POR: variants seen among roughly 807,000 people sequenced by gnomAD.
The protein encoded by POR is NADPH--cytochrome P450 reductase.
POR carries 56 observed loss-of-function variants against 84.0 expected under a neutral mutation model. That is an observed-to-expected ratio of 0.67 (90% confidence interval 0.54 to 0.83). The LOEUF (loss-of-function observed/expected upper bound fraction) is 0.83. Among genes scored for constraint, POR ranks in the 40% least tolerant of loss-of-function variants. The pLI, the probability that POR is intolerant of heterozygous loss-of-function variation, is 0.00. For synonymous variants in POR, 414 were observed against 400.5 expected (o/e 1.03, Z -0.40); for missense variants, 938 against 944.3 (o/e 0.99, Z 0.09).
intron 1 of POR, among the ~76,000 whole-genome samples, chr7:75,943,240 C>T (rs139772877): frequency 0.01 from 1,562 of 152,226 alleles, 34 homozygotes; most frequent in African/African-American, 0.036. Context: ...CATGAGCCAC[C>T]GTGCCCGGCC....
chr7:75,939,906 C>T (rs1807889011), intron 1 of POR, among the ~76,000 whole-genome samples: 1 of 150,508 alleles, frequency 6.6e-6, no homozygotes. Flanking sequence ...CCGCACCTGG[C>T]CCTCTTTACT....
intron 3 of POR, among the ~76,000 whole-genome samples, chr7:75,979,043 A>C (rs1360834256): frequency 1.3e-5 from 2 of 150,910 alleles, no homozygotes; most frequent in Non-Finnish European, 3.0e-5. Context: ...GTAATCTGCC[A>C]GCCTCAGCCT....
chr7:75,969,951 A>G (rs1788356790), intron 2 of POR, among the ~76,000 whole-genome samples: 1 of 152,216 alleles, frequency 6.6e-6, no homozygotes, highest in Non-Finnish European at 1.5e-5. Context: ...AGACGGCGAC[A>G]GTAGCGTTGC....
At chr7:75,924,848 T>C (rs1445666009) in intron 1 of POR, among the ~76,000 whole-genome samples, 2 of 152,230 alleles carry the variant, frequency 1.3e-5, no homozygotes, top group Non-Finnish European at 2.9e-5. Flanking sequence ...AACGTAGCAC[T>C]GTGAGCATGG....
At chr7:75,922,730 G>C in intron 1 of POR, 1 of 391,008 alleles carries the variant, frequency 2.6e-6, no homozygotes, top group Non-Finnish European at 4.8e-6. Flanking sequence ...GGTTGCGCAT[G>C]TTCAGTAGCT....
intron 8 of POR, 77 bp downstream of exon 8, chr7:75,982,399 C>A: frequency 8.4e-7 from 1 of 1,194,812 alleles, no homozygotes; most frequent in Non-Finnish European, 1.2e-6. Context: ...TGCCGTGTAT[C>A]CCCATATCCC....
chr7:75,980,930 C>G, intron 5 of POR, 118 bp from the exon 6 acceptor site: 2 of 1,268,392 alleles, frequency 1.6e-6, no homozygotes, highest in Non-Finnish European at 2.1e-6. Context: ...GGAACGGAGG[C>G]CTGCAGGTGT....
chr7:75,925,113 G>A (rs1807052522), intron 1 of POR, among the ~76,000 whole-genome samples: 1 of 152,172 alleles, frequency 6.6e-6, no homozygotes, highest in South Asian at 2.1e-4. Context: ...AAGCTCTTGT[G>A]GTTGAGCACA....
At chr7:75,925,782 C>G (rs1807084629) in intron 1 of POR, among the ~76,000 whole-genome samples, 1 of 152,134 alleles carries the variant, frequency 6.6e-6, no homozygotes, top group Non-Finnish European at 1.5e-5. Context: ...TGGGTCCCAT[C>G]TAGGTAAGAG....
intron 1 of POR, among the ~76,000 whole-genome samples, chr7:75,949,414 A>G (rs1554552465): frequency 6.6e-6 from 1 of 151,932 alleles, no homozygotes; most frequent in East Asian, 1.9e-4. Context: ...TCGGCCTCCC[A>G]AAGTGATGGG....
intron 2 of POR, among the ~76,000 whole-genome samples, chr7:75,955,457 A>T (rs1787642122): frequency 6.6e-6 from 1 of 152,114 alleles, no homozygotes; most frequent in Non-Finnish European, 1.5e-5. Context: ...TGCGGCCAGA[A>T]TTACTTCCTG....
intron 6 of POR, 31 bp from the exon 7 acceptor site, chr7:75,981,485 GA>G: frequency 6.3e-7 from 1 of 1,591,290 alleles, no homozygotes; most frequent in Non-Finnish European, 8.6e-7. Flanking sequence ...GGCCTCCCCT[GA>G]GCCGCTCCCC....
At chr7:75,965,581 T>G (rs541934952) in intron 2 of POR, among the ~76,000 whole-genome samples, 12 of 152,288 alleles carry the variant, frequency 7.9e-5, no homozygotes, top group African/African-American at 2.6e-4. Context: ...TCTTACTGTC[T>G]GAGGGTATGG....
intron 3 of POR, among the ~76,000 whole-genome samples, chr7:75,977,023 T>G (rs1353002444): frequency 2.0e-5 from 3 of 152,220 alleles, no homozygotes; most frequent in Non-Finnish European, 4.4e-5. Context: ...GATAAATTTT[T>G]TGTATTTTTA....
chr7:75,954,167 A>G lies in POR; in HGVS notation c.175A>G (p.Lys59Glu). 6.2e-7 allele frequency: 1 copy of G among 1,609,988 alleles called. No individual in the cohort carries two copies. Residue 59 changes from lysine to glutamate, a missense_variant, in exon 2 of 16, where the codon AAA (lysine) becomes GAA (glutamate). Lys to Glu is a moderately conservative substitution (Grantham distance 56). Transcript: ENST00000461988. The stretch of plus-strand genomic sequence containing the variant: ...AAAAGAAGAAGTCCCCGAGTTCACC[A>G]AAATTCAGACATTGTAAGTGCCGCC...
In POR at chr7:75,986,516, G is replaced by A. The variant is rs773928554; in HGVS notation, c.*35G>A. ...TGCCCCACCCACCCCACAGACTCCGGCCTGTAATCAGCTCTCCTGGCTCCC... is the reference window on the plus strand; with the variant it reads ...TGCCCCACCCACCCCACAGACTCCGACCTGTAATCAGCTCTCCTGGCTCCC... On this transcript the variant is annotated 3_prime_UTR_variant, in exon 16 of 16. Transcript: ENST00000461988. 1.0e-4 allele frequency: 162 copies of A among 1,596,340 alleles called. No individual in the cohort carries two copies. Among genetic ancestry groups the A allele is most frequent in the Non-Finnish European group, 1.4e-4 (160 of 1,176,542 alleles).
chr7:75,958,905 A>C (rs1261551643), intron 2 of POR, among the ~76,000 whole-genome samples: 1 of 152,196 alleles, frequency 6.6e-6, no homozygotes, highest in Admixed American at 6.5e-5. Flanking sequence ...GCTTGCCAGA[A>C]GTGTTTCAGA....
At chr7:75,931,157 C>G (rs1807398250) in intron 1 of POR, among the ~76,000 whole-genome samples, 1 of 152,016 alleles carries the variant, frequency 6.6e-6, no homozygotes, top group Non-Finnish European at 1.5e-5. Context: ...CAAAAGGAAA[C>G]AATCCAAGTA....
At chr7:75,958,955 A>C (rs375385452) in intron 2 of POR, among the ~76,000 whole-genome samples, 5 of 152,228 alleles carry the variant, frequency 3.3e-5, no homozygotes, top group African/African-American at 1.2e-4. Context: ...TCACCAGATG[A>C]GCATTTCTTA....
Sources: allele counts gnomAD v4.1 joint callset (sites outside exome capture counted in the v4.1 genomes callset), GRCh38; gene constraint gnomAD v4.1.1; transcripts MANE v1.5; gene names NCBI Gene and HGNC (gene_info 2026-07-23, HGNC 2026-07-21).